Variants in B4GALT6 observed in about 807,000 individuals in gnomAD.
The protein encoded by B4GALT6 is beta-1,4-galactosyltransferase 6.
In B4GALT6, 14 loss-of-function variants were observed where a neutral mutation model predicts 46.3. The ratio of observed to expected loss-of-function variants is 0.30; its 90% confidence interval spans 0.20 to 0.47. The LOEUF is 0.47. B4GALT6 is among the 20% of genes least tolerant of loss of function. B4GALT6 has a pLI of 0.99. For synonymous variants in B4GALT6, 168 were observed against 162.0 expected, an observed-to-expected ratio of 1.04 and a Z score of -0.28; for missense variants, 386 against 480.1, an observed-to-expected ratio of 0.80 and a Z score of 1.83.
upstream of B4GALT6, chr18:31,684,671 G>C: frequency 1.3e-5 from 10 of 769,848 alleles, no homozygotes; most frequent in Non-Finnish European, 1.7e-5. Flanking sequence ...GTGGAGGGGG[G>C]AGAGGGGACT....
chr18:31,670,327 T>C (rs1376719623), intron 1 of B4GALT6, among the ~76,000 whole-genome samples: 1 of 152,202 alleles, frequency 6.6e-6, no homozygotes, highest in Non-Finnish European at 1.5e-5. Context: ...AGTGGTGGGA[T>C]CACAGGCGTG....
At chr18:31,662,516 T>C (rs1228430049) in intron 2 of B4GALT6, among the ~76,000 whole-genome samples, 1 of 152,166 alleles carries the variant, frequency 6.6e-6, no homozygotes, top group Non-Finnish European at 1.5e-5. Context: ...CAGCCAATAA[T>C]GATTTAAGCT....
At chr18:31,661,538 G>GCT (rs1053234065) in intron 2 of B4GALT6, among the ~76,000 whole-genome samples, 1 of 151,450 alleles carries the variant, frequency 6.6e-6, no homozygotes, top group African/African-American at 2.4e-5. Flanking sequence ...GTGCGCTCTC[G>GCT]CTCTCTCTCA....
chr18:31,662,359 G>A (rs1040989335), intron 2 of B4GALT6, among the ~76,000 whole-genome samples: 1 of 152,104 alleles, frequency 6.6e-6, no homozygotes, highest in African/African-American at 2.4e-5. Flanking sequence ...AATGTATTAT[G>A]TGTATATAGT....
chr18:31,724,296 C>G, the B4GALT6 span: 1 of 462,276 alleles, frequency 2.2e-6, no homozygotes, highest in Admixed American at 3.2e-5. Flanking sequence ...CCCACGGGCC[C>G]CTCCTCACAT....
At chr18:31,658,622 G>A (rs754970622) in intron 2 of B4GALT6, among the ~76,000 whole-genome samples, 4 of 152,090 alleles carry the variant, frequency 2.6e-5, no homozygotes, top group Admixed American at 2.0e-4. Context: ...CTGCAGCCCC[G>A]GGGGAGCCCT....
chr18:31,669,677 A>G (rs2074327283), intron 1 of B4GALT6, among the ~76,000 whole-genome samples: 1 of 152,268 alleles, frequency 6.6e-6, no homozygotes, highest in African/African-American at 2.4e-5. Flanking sequence ...AATGTTCAAT[A>G]GAAGACAAGC....
the B4GALT6 span, among the ~76,000 whole-genome samples, chr18:31,696,501 T>C: frequency 1.3e-5 from 2 of 152,218 alleles, no homozygotes; most frequent in Admixed American, 6.5e-5. Context: ...ATTGATAATC[T>C]TCAAATTTTT....
At chr18:31,710,880 G>A in the B4GALT6 span, among the ~76,000 whole-genome samples, 1 of 136,638 alleles carries the variant, frequency 7.3e-6, no homozygotes, top group African/African-American at 2.6e-5. Flanking sequence ...AGGATTAGGT[G>A]ATCTTGGCCT....
In B4GALT6 at chr18:31,677,987, C is replaced by T. The variant is rs1485051590; in HGVS notation, c.115+6325G>A. Among the ~76,000 whole-genome samples the T allele has an allele frequency of 2.6e-5, 4 of 152,312 alleles. No homozygotes were observed. In the South Asian group the frequency reaches 8.3e-4, roughly 32 times the overall value. On this transcript the variant is annotated intron_variant, in intron 1 of 8. Coordinates refer to ENST00000306851, the MANE Select transcript of B4GALT6 (RefSeq NM_004775.5). The stretch of plus-strand genomic sequence containing the variant: ...CTCACCTCAGCCTCCCCTCCTACCT[C>T]CACATTTCTACTTAAGACAAACATG...
At chr18:31,684,287 A>C in intron 1 of B4GALT6, 25 bp downstream of exon 1, 1 of 1,612,166 alleles carries the variant, frequency 6.2e-7, no homozygotes. Flanking sequence ...GACCAGGGGA[A>C]GCGAGGGTGT....
intron 1 of B4GALT6, among the ~76,000 whole-genome samples, chr18:31,677,310 G>C (rs1467561718): frequency 6.6e-6 from 1 of 152,134 alleles, no homozygotes; most frequent in African/African-American, 2.4e-5. Flanking sequence ...AACTGAGAAG[G>C]GGGTATTGCT....
intron 5 of B4GALT6, among the ~76,000 whole-genome samples, chr18:31,632,035 T>G (rs955894211): frequency 1.3e-5 from 2 of 152,166 alleles, no homozygotes; most frequent in African/African-American, 4.8e-5. Flanking sequence ...TAAGGTGCAC[T>G]GGCAATAAAA....
At chr18:31,653,426 AC>A (rs1436420026) in intron 3 of B4GALT6, among the ~76,000 whole-genome samples, 1 of 137,866 alleles carries the variant, frequency 7.3e-6, no homozygotes, top group Non-Finnish European at 1.5e-5. Flanking sequence ...CACATTCATA[AC>A]CTTTTTTCTT....
intron 1 of B4GALT6, among the ~76,000 whole-genome samples, chr18:31,669,351 C>T (rs1598920090): frequency 6.6e-6 from 1 of 152,214 alleles, no homozygotes; most frequent in East Asian, 1.9e-4. Context: ...GTATTGTTCC[C>T]ATTTTTGTAT....
At chr18:31,716,657 G>A in the B4GALT6 span, among the ~76,000 whole-genome samples, 2 of 152,170 alleles carry the variant, frequency 1.3e-5, no homozygotes, top group Non-Finnish European at 2.9e-5. Context: ...AATGCCTGGG[G>A]GTGGTGGCAG....
intron 4 of B4GALT6, among the ~76,000 whole-genome samples, chr18:31,644,616 G>C (rs1598885441): frequency 6.6e-6 from 1 of 152,300 alleles, no homozygotes; most frequent in South Asian, 2.1e-4. Context: ...CTCAAACGTA[G>C]TAACATTAGA....
At chr18:31,685,515 C>T (rs1458992595), upstream of B4GALT6, 1 of 151,742 alleles carries the variant, frequency 6.6e-6, no homozygotes, top group Non-Finnish European at 1.5e-5. Context: ...GAGGTCCCCG[C>T]CCTCCCCGCG....
chr18:31,682,480 T>C lies in B4GALT6; in HGVS notation c.115+1832A>G, dbSNP rs189534486. On this transcript the variant is annotated intron_variant, in intron 1 of 8. Coordinates refer to ENST00000306851, the MANE Select transcript of B4GALT6 (RefSeq NM_004775.5). ...TCAATCTAATTGCCTACAAGACACGTGCCAACATTTTTACATTATATCAGT... is the reference window on the plus strand; with the variant it reads ...TCAATCTAATTGCCTACAAGACACGCGCCAACATTTTTACATTATATCAGT... 2.1e-3 allele frequency among the ~76,000 whole-genome samples: 325 copies of C among 152,330 alleles called. 2 individuals are homozygous for C. The highest frequency in any genetic ancestry group is 0.021 in the South Asian group (101 of 4,828).
Sources: allele counts gnomAD v4.1 joint callset (sites outside exome capture counted in the v4.1 genomes callset), GRCh38; gene constraint gnomAD v4.1.1; transcripts MANE v1.5; gene names NCBI Gene and HGNC (gene_info 2026-07-23, HGNC 2026-07-21).